The following PPP1R9A variants were observed in gnomAD, a reference collection of about 807,000 sequenced individuals.
PPP1R9A encodes the protein protein phosphatase 1 regulatory subunit 9A, also known as neurabin-1.
In PPP1R9A, 59 loss-of-function variants were observed where a neutral mutation model predicts 141.9. The observed-to-expected ratio is 0.42, with a 90% confidence interval of 0.34 to 0.52. The LOEUF is 0.52. Among genes scored for constraint, PPP1R9A ranks in the 20% least tolerant of loss-of-function variants. The probability of loss-of-function intolerance (pLI) is 0.10; values close to 1 mark genes in which losing one functional copy is unlikely to be tolerated. For missense variants in PPP1R9A, 1,444 were observed against 1,611.9 expected (o/e 0.90, Z 1.78); for synonymous variants, 500 against 569.7 (o/e 0.88, Z 1.74).
chr7:95,245,530 A>G (rs887587890), intron 8 of PPP1R9A, among the ~76,000 whole-genome samples: 2 of 152,126 alleles, frequency 1.3e-5, no homozygotes, highest in Non-Finnish European at 2.9e-5. Context: ...AGCCTATCTG[A>G]CTGGCTAGCC....
At chr7:95,163,160 A>G (rs1478386013) in intron 5 of PPP1R9A, among the ~76,000 whole-genome samples, 1 of 152,256 alleles carries the variant, frequency 6.6e-6, no homozygotes, top group African/African-American at 2.4e-5. Flanking sequence ...TAAGATATAC[A>G]TTCAACTCAT....
chr7:95,062,838 T>A (rs1812421493), intron 2 of PPP1R9A, among the ~76,000 whole-genome samples: 1 of 152,172 alleles, frequency 6.6e-6, no homozygotes. Flanking sequence ...AGCACTTACA[T>A]ATCCATGTTT....
intron 2 of PPP1R9A, among the ~76,000 whole-genome samples, chr7:94,951,795 T>A (rs1047683039): frequency 1.3e-5 from 2 of 152,078 alleles, no homozygotes; most frequent in African/African-American, 4.8e-5. Context: ...CTAGATTGGT[T>A]TGTTCTTTGA....
At chr7:95,051,348 T>C (rs1810775939) in intron 2 of PPP1R9A, among the ~76,000 whole-genome samples, 1 of 152,212 alleles carries the variant, frequency 6.6e-6, no homozygotes, top group Non-Finnish European at 1.5e-5. Context: ...GTTTGTCTTC[T>C]TTCACCAGTA....
intron 5 of PPP1R9A, among the ~76,000 whole-genome samples, chr7:95,187,836 T>A (rs1834871102): frequency 6.6e-6 from 1 of 152,198 alleles, no homozygotes. Flanking sequence ...TGAGTCGATT[T>A]CCAGTTTTAT....
rs571281524 is a variant in PPP1R9A, at chr7:95,191,836, CAA to C, written c.1755-6512_1755-6511del. 1.9e-4 allele frequency among the ~76,000 whole-genome samples: 29 copies of C among 151,868 alleles called. 2 individuals are homozygous for C. Among genetic ancestry groups the C allele is most frequent in the African/African-American group, 2.9e-4 (12 of 41,472 alleles). On this transcript the variant is annotated intron_variant, in intron 5 of 19. Transcript: ENST00000433360. ...GCAAAGAAAAAAATTTAGAATGTGA[CAA>C]GAGAAAATATTATTAATCTTAAAGA... is the stretch of plus-strand genomic sequence containing the variant.
At chr7:94,998,785 G>T (rs1802501764) in intron 2 of PPP1R9A, among the ~76,000 whole-genome samples, 1 of 152,208 alleles carries the variant, frequency 6.6e-6, no homozygotes, top group African/African-American at 2.4e-5. Flanking sequence ...TTGTTTTTGA[G>T]ACAGAATCTT....
At chr7:94,916,623 C>T (rs1792109211) in intron 2 of PPP1R9A, among the ~76,000 whole-genome samples, 1 of 152,116 alleles carries the variant, frequency 6.6e-6, no homozygotes, top group East Asian at 1.9e-4. Flanking sequence ...AAAGTCACAT[C>T]CTAGGCTCTT....
intron 2 of PPP1R9A, among the ~76,000 whole-genome samples, chr7:94,917,163 A>G (rs17403786): frequency 0.042 from 6,362 of 152,192 alleles, 145 homozygotes; most frequent in East Asian, 0.088. Flanking sequence ...TTTATGTTTT[A>G]TGACCTATGC....
At chr7:95,066,270 C>T (rs927191507) in intron 2 of PPP1R9A, among the ~76,000 whole-genome samples, 1 of 152,190 alleles carries the variant, frequency 6.6e-6, no homozygotes, top group Admixed American at 6.5e-5. Context: ...AAGAAACCTA[C>T]CCTGCCAACA....
intron 3 of PPP1R9A, among the ~76,000 whole-genome samples, chr7:95,117,143 A>G (rs1821664903): frequency 6.6e-6 from 1 of 152,208 alleles, no homozygotes; most frequent in South Asian, 2.1e-4. Context: ...TTTGGGCTCC[A>G]TAGTATGACA....
chr7:94,964,616 G>T (rs973023371), intron 2 of PPP1R9A, among the ~76,000 whole-genome samples: 2 of 152,166 alleles, frequency 1.3e-5, no homozygotes, highest in Non-Finnish European at 2.9e-5. Context: ...GTAGTTTGCT[G>T]TAAATGATGG....
intron 4 of PPP1R9A, among the ~76,000 whole-genome samples, chr7:95,130,445 G>C (rs185706375): frequency 1.3e-5 from 2 of 152,338 alleles, no homozygotes; most frequent in African/African-American, 4.8e-5. Context: ...TGCTGCAGGG[G>C]TGGGGCTCTC....
intron 6 of PPP1R9A, among the ~76,000 whole-genome samples, chr7:95,199,158 G>A (rs1208630484): frequency 6.6e-6 from 1 of 152,182 alleles, no homozygotes; most frequent in Non-Finnish European, 1.5e-5. Context: ...ACCCTTGTGT[G>A]CTGTAATATA....
intron 8 of PPP1R9A, among the ~76,000 whole-genome samples, chr7:95,230,599 G>C (rs915760932): frequency 3.3e-5 from 5 of 151,868 alleles, no homozygotes; most frequent in Non-Finnish European, 4.4e-5. Flanking sequence ...GTCCACCAAA[G>C]ACAAATAAAA....
chr7:95,141,494 T>C (rs1025186668), intron 4 of PPP1R9A, among the ~76,000 whole-genome samples: 5 of 152,078 alleles, frequency 3.3e-5, no homozygotes, highest in Admixed American at 2.6e-4. Flanking sequence ...AAACCCCAAA[T>C]CCATTAACAG....
At chr7:95,106,969 A>G (rs1445168454) in intron 2 of PPP1R9A, among the ~76,000 whole-genome samples, 1 of 151,908 alleles carries the variant, frequency 6.6e-6, no homozygotes. Context: ...TTTAGTAGAG[A>G]TGGGGTTTCG....
chr7:94,977,610 T>A (rs1799597687), intron 2 of PPP1R9A, among the ~76,000 whole-genome samples: 1 of 152,040 alleles, frequency 6.6e-6, no homozygotes, highest in Non-Finnish European at 1.5e-5. Flanking sequence ...GATTAACAAG[T>A]CAGACTGTTT....
At chr7:95,285,059 C>G (rs1805029455) in intron 17 of PPP1R9A, among the ~76,000 whole-genome samples, 1 of 152,176 alleles carries the variant, frequency 6.6e-6, no homozygotes, top group African/African-American at 2.4e-5. Flanking sequence ...AAATGTCCTG[C>G]TGCTTAAATG....
Sources: allele counts gnomAD v4.1 joint callset (sites outside exome capture counted in the v4.1 genomes callset), GRCh38; gene constraint gnomAD v4.1.1; transcripts MANE v1.5; gene names NCBI Gene and HGNC (gene_info 2026-07-23, HGNC 2026-07-21).